The following CAMK4 variants were observed in gnomAD, a reference collection of about 807,000 sequenced individuals.
CAMK4 encodes the protein calcium/calmodulin dependent protein kinase IV.
CAMK4 carries 22 observed loss-of-function variants against 44.9 expected under a neutral mutation model. The ratio of observed to expected loss-of-function variants is 0.49; its 90% CI spans 0.35 to 0.70. CAMK4 has a LOEUF of 0.70. Ranked by LOEUF, CAMK4 falls within the 30% of genes least tolerant of loss-of-function variation. The pLI, the probability that CAMK4 is intolerant of heterozygous loss-of-function variation, is 0.01. For missense variants in CAMK4, 498 were observed against 586.8 expected, an observed-to-expected ratio of 0.85 and a Z score of 1.56; for synonymous variants, 218 against 215.4, an observed-to-expected ratio of 1.01 and a Z score of -0.11.
intron 2 of CAMK4, among the ~76,000 whole-genome samples, chr5:111,357,209 A>C (rs1185920532): frequency 6.6e-6 from 1 of 152,106 alleles, no homozygotes; most frequent in African/African-American, 2.4e-5. Flanking sequence ...ATGTTACTTC[A>C]CTCTGGTAGA....
intron 1 of CAMK4, among the ~76,000 whole-genome samples, chr5:111,250,250 A>C (rs1268060272): frequency 6.6e-6 from 1 of 152,246 alleles, no homozygotes. Context: ...GTGCTTTTAC[A>C]TTTCAGACAG....
At chr5:111,457,981 C>G (rs983254030) in intron 7 of CAMK4, among the ~76,000 whole-genome samples, 1 of 152,096 alleles carries the variant, frequency 6.6e-6, no homozygotes, top group African/African-American at 2.4e-5. Context: ...TCTACTTGAC[C>G]GGCTCGTGTG....
At chr5:111,360,269 A>C (rs1750535729) in intron 2 of CAMK4, among the ~76,000 whole-genome samples, 1 of 152,006 alleles carries the variant, frequency 6.6e-6, no homozygotes, top group Non-Finnish European at 1.5e-5. Context: ...TGTTTTCCTT[A>C]CCCTGTTATT....
Position 111,224,474 on chromosome 5 carries a change from C to T in CAMK4, c.-10C>T, listed in dbSNP as rs747124636. 9 of 1,592,736 alleles carry T rather than the reference C, an allele frequency of 5.7e-6. No homozygotes were observed. The highest frequency in any genetic ancestry group is 7.7e-6 in the Non-Finnish European group (9 of 1,172,424). On this transcript the variant is annotated 5_prime_UTR_variant, in exon 1 of 11. Transcript: ENST00000282356. This position sits in a 1 kb window ranked among gnomAD's most constrained non-coding sequence, Gnocchi z 5.7. Reference sequence around the variant, plus strand: ...GCGGCGGCGGCGGCTTCCGGAGTCCCGCTGCGAAGATGCTCAAAGTCACGG... The same window carrying T: ...GCGGCGGCGGCGGCTTCCGGAGTCCTGCTGCGAAGATGCTCAAAGTCACGG...
At chr5:111,321,079 C>A (rs931150606) in intron 1 of CAMK4, among the ~76,000 whole-genome samples, 3 of 152,076 alleles carry the variant, frequency 2.0e-5, no homozygotes, top group African/African-American at 7.2e-5. Context: ...CTACCTACAC[C>A]CCTGGAAGTG....
chr5:111,436,751 A>C (rs1349021951), intron 5 of CAMK4, among the ~76,000 whole-genome samples: 2 of 152,216 alleles, frequency 1.3e-5, no homozygotes, highest in Non-Finnish European at 2.9e-5. Flanking sequence ...TTAAGTCAAC[A>C]CATCAGTTTC....
chr5:111,336,517 T>G (rs1252654414), intron 1 of CAMK4, among the ~76,000 whole-genome samples: 1 of 151,130 alleles, frequency 6.6e-6, no homozygotes, highest in South Asian at 2.1e-4. Flanking sequence ...TATTTCCACA[T>G]AAGTTCTTCT....
chr5:111,477,199 G>A (rs1561511957), intron 8 of CAMK4, among the ~76,000 whole-genome samples: 1 of 152,178 alleles, frequency 6.6e-6, no homozygotes, highest in Non-Finnish European at 1.5e-5. Flanking sequence ...TAGGGAAAGG[G>A]AGAACACATT....
At chr5:111,398,800 T>C (rs1252719413) in intron 5 of CAMK4, among the ~76,000 whole-genome samples, 1 of 152,202 alleles carries the variant, frequency 6.6e-6, no homozygotes, top group African/African-American at 2.4e-5. Context: ...GCACTACCAT[T>C]CAGCAATTGT....
At chr5:111,259,319 A>G (rs973112675) in intron 1 of CAMK4, among the ~76,000 whole-genome samples, 3 of 152,254 alleles carry the variant, frequency 2.0e-5, no homozygotes, top group Admixed American at 2.0e-4. Context: ...TGAATTTTCA[A>G]TAAAACTGAG....
chr5:111,373,847 T>A (rs306066), intron 2 of CAMK4, among the ~76,000 whole-genome samples: 138,699 of 152,224 alleles, frequency 0.91, 63,296 homozygotes, highest in East Asian at 1. Context: ...ATCGATTGTT[T>A]TGATAAATTT....
At chr5:111,357,521 A>G (rs747604043) in intron 2 of CAMK4, among the ~76,000 whole-genome samples, 1 of 147,318 alleles carries the variant, frequency 6.8e-6, no homozygotes, top group African/African-American at 2.5e-5. Flanking sequence ...AAAAAGTTGA[A>G]TGGTGGCCAG....
intron 5 of CAMK4, among the ~76,000 whole-genome samples, chr5:111,440,931 A>C (rs370730151): frequency 6.6e-6 from 1 of 152,214 alleles, no homozygotes; most frequent in Admixed American, 6.5e-5. Context: ...TACACATAGA[A>C]TATCTACTAC....
chr5:111,313,458 A>G (rs1329364203), intron 1 of CAMK4, among the ~76,000 whole-genome samples: 2 of 152,124 alleles, frequency 1.3e-5, no homozygotes, highest in Non-Finnish European at 2.9e-5. Context: ...AAAAATATCA[A>G]CAGTGAAAAT....
intron 7 of CAMK4, among the ~76,000 whole-genome samples, chr5:111,458,676 T>G (rs1754525587): frequency 1.3e-5 from 2 of 152,094 alleles, no homozygotes; most frequent in South Asian, 4.1e-4. Flanking sequence ...GGGTTACAGT[T>G]TAAACAAGGT....
intron 1 of CAMK4, among the ~76,000 whole-genome samples, chr5:111,253,574 T>G (rs1749612733): frequency 6.6e-6 from 1 of 152,218 alleles, no homozygotes; most frequent in South Asian, 2.1e-4. Flanking sequence ...AGCTTCCATG[T>G]TGAGAAAAAT....
At chr5:111,275,119 A>C (rs1405873492) in intron 1 of CAMK4, among the ~76,000 whole-genome samples, 1 of 152,186 alleles carries the variant, frequency 6.6e-6, no homozygotes, top group African/African-American at 2.4e-5. Flanking sequence ...CATACTTATC[A>C]GTTCTTTCTT....
intron 6 of CAMK4, among the ~76,000 whole-genome samples, chr5:111,447,811 A>G (rs1467088616): frequency 6.6e-6 from 1 of 152,234 alleles, no homozygotes; most frequent in East Asian, 1.9e-4. Flanking sequence ...TATGAATGCA[A>G]GAACCTAAGG....
intron 5 of CAMK4, among the ~76,000 whole-genome samples, chr5:111,420,504 C>G (rs573971525): frequency 6.6e-6 from 1 of 152,116 alleles, no homozygotes; most frequent in Non-Finnish European, 1.5e-5. Context: ...GAGAGGGCAT[C>G]CCTGGGAGAC....
Sources: gnomAD v4.1 joint callset for allele counts (sites outside exome capture counted in the v4.1 genomes callset) on GRCh38, gnomAD v4.1.1 for gene constraint, Gnocchi (gnomAD v3.1) non-coding constraint, MANE v1.5 for transcripts, NCBI Gene and HGNC (gene_info 2026-07-23, HGNC 2026-07-21) for gene names.